Variants in PTPRD observed in about 807,000 individuals in gnomAD.
PTPRD encodes the protein protein tyrosine phosphatase receptor type D.
Under a neutral mutation model 214.5 loss-of-function variants are expected in PTPRD, and 34 were observed. That is an observed-to-expected ratio of 0.16 (90% confidence interval 0.12 to 0.21). PTPRD has a LOEUF of 0.21. Among genes scored for constraint, PTPRD ranks in the 10% least tolerant of loss-of-function variants. The pLI, the probability that PTPRD is intolerant of heterozygous loss-of-function variation, is 1.00. For synonymous variants in PTPRD, 1,128 were observed against 845.7 expected (o/e 1.33, Z -5.79); for missense variants, 2,545 against 2,398.7 (o/e 1.06, Z -1.27).
At chr9:9,218,286 G>A (rs1000899330) in intron 9 of PTPRD, among the ~76,000 whole-genome samples, 4 of 151,930 alleles carry the variant, frequency 2.6e-5, no homozygotes, top group South Asian at 2.1e-4. Flanking sequence ...TCATAGATCC[G>A]GATTAGATAG....
chr9:9,885,571 C>G (rs973756481), intron 5 of PTPRD, among the ~76,000 whole-genome samples: 1 of 151,906 alleles, frequency 6.6e-6, no homozygotes, highest in Non-Finnish European at 1.5e-5. Context: ...GGGGACTAGT[C>G]TGAATTGTCT....
chr9:9,021,024 A>G (rs923131131), intron 10 of PTPRD, among the ~76,000 whole-genome samples: 4 of 152,182 alleles, frequency 2.6e-5, no homozygotes, highest in Non-Finnish European at 5.9e-5. Flanking sequence ...CAAAAACATA[A>G]TATTTTAGCA....
intron 2 of PTPRD, among the ~76,000 whole-genome samples, chr9:10,443,461 T>G (rs1477056116): frequency 6.6e-6 from 1 of 151,582 alleles, no homozygotes; most frequent in African/African-American, 2.4e-5. Flanking sequence ...CCCTAAGAAA[T>G]TATCTCTTAT....
chr9:9,053,935 G>A (rs1174947436), intron 10 of PTPRD, among the ~76,000 whole-genome samples: 2 of 152,088 alleles, frequency 1.3e-5, no homozygotes, highest in Non-Finnish European at 2.9e-5. Context: ...AATATCTTTT[G>A]TTAATTTTCC....
At chr9:10,023,641 G>A (rs1381843624) in intron 4 of PTPRD, among the ~76,000 whole-genome samples, 1 of 147,994 alleles carries the variant, frequency 6.8e-6, no homozygotes, top group East Asian at 2.0e-4. Context: ...TTCTAATAAA[G>A]TGTGAGAGTT....
Position 9,024,348 on chromosome 9 carries a change from G to GTTTTTTTTTTTTTTTTTTTTTTTTTTTTT in PTPRD, c.-142-5614_-142-5613insAAAAAAAAAAAAAAAAAAAAAAAAAAAAA, listed in dbSNP as rs752607769. ...TATTGTCGATTCTTTGTTTTTTTTTGTTTGTTTTTTTTTTTTTCCTGTATA... is the reference window on the plus strand; with the variant it reads ...TATTGTCGATTCTTTGTTTTTTTTTGTTTTTTTTTTTTTTTTTTTTTTTTTTTTTTTTGTTTTTTTTTTTTTCCTGTATA... On this transcript the variant is annotated intron_variant, in intron 10 of 45. Transcript: ENST00000381196. Among the ~76,000 whole-genome samples, 3 of 64,182 alleles carry GTTTTTTTTTTTTTTTTTTTTTTTTTTTTT rather than the reference G, an allele frequency of 4.7e-5. 1 individual carries two copies. Among genetic ancestry groups the GTTTTTTTTTTTTTTTTTTTTTTTTTTTTT allele is most frequent in the African/African-American group, 1.2e-4 (3 of 24,574 alleles). The allele number at this position is 64,182 out of a possible 152,430, so 42.1% of individuals were successfully genotyped here.
chr9:10,216,911 T>C (rs998390155), intron 3 of PTPRD, among the ~76,000 whole-genome samples: 1 of 152,026 alleles, frequency 6.6e-6, no homozygotes, highest in African/African-American at 2.4e-5. Context: ...ATGTTCACTC[T>C]AGTGGTAGCT....
chr9:8,896,388 T>C (rs890780328), intron 11 of PTPRD, among the ~76,000 whole-genome samples: 2 of 152,174 alleles, frequency 1.3e-5, no homozygotes, highest in African/African-American at 4.8e-5. Context: ...GACTTGTGGT[T>C]TGTTCATTTG....
chr9:9,009,960 C>T (rs2099501455), intron 11 of PTPRD, among the ~76,000 whole-genome samples: 2 of 152,090 alleles, frequency 1.3e-5, no homozygotes, highest in Non-Finnish European at 2.9e-5. Flanking sequence ...TTGCTCCGTA[C>T]AGTTCTCTTA....
intron 10 of PTPRD, among the ~76,000 whole-genome samples, chr9:9,093,503 T>G (rs1477478502): frequency 6.6e-5 from 10 of 151,934 alleles, no homozygotes; most frequent in Admixed American, 6.6e-4. Context: ...TTATAACATA[T>G]TCAAGCAGAA....
intron 2 of PTPRD, among the ~76,000 whole-genome samples, chr9:10,382,003 A>C (rs1332513411): frequency 6.6e-6 from 1 of 151,972 alleles, no homozygotes; most frequent in Non-Finnish European, 1.5e-5. Context: ...CCCAGTTCAC[A>C]AGTAAGAAAA....
intron 2 of PTPRD, among the ~76,000 whole-genome samples, chr9:10,610,796 C>T (rs1591968903): frequency 1.3e-5 from 2 of 152,094 alleles, no homozygotes; most frequent in South Asian, 2.1e-4. Flanking sequence ...TTCTATTGTC[C>T]TGTCTCATTA....
intron 3 of PTPRD, among the ~76,000 whole-genome samples, chr9:10,110,869 T>A (rs1213522940): frequency 6.6e-6 from 1 of 152,236 alleles, no homozygotes; most frequent in Non-Finnish European, 1.5e-5. Context: ...TGCAGCCGAC[T>A]TTTAAACTAG....
chr9:8,538,626 T>C (rs540353118), intron 14 of PTPRD, among the ~76,000 whole-genome samples: 15 of 151,388 alleles, frequency 9.9e-5, no homozygotes, highest in South Asian at 2.1e-4. Context: ...TGTACACACA[T>C]ATATATATAC....
At chr9:10,600,048 A>G (rs1210747169) in intron 2 of PTPRD, among the ~76,000 whole-genome samples, 1 of 151,794 alleles carries the variant, frequency 6.6e-6, no homozygotes, top group Non-Finnish European at 1.5e-5. Flanking sequence ...AATATATTTA[A>G]AGGTCATTTA....
chr9:9,198,502 G>A lies in PTPRD; in HGVS notation c.-202-15139C>T, dbSNP rs181232681. Among the ~76,000 whole-genome samples, 344 of 152,092 alleles carry A rather than the reference G, an allele frequency of 2.3e-3. 1 individual carries two copies. Among genetic ancestry groups the A allele is most frequent in the African/African-American group, 7.9e-3 (329 of 41,502 alleles). ...CACATGCGATGTGGAAGCGTACCATGTATTTTACTGTTTCTCTGCTGCTCT... is the reference window on the plus strand; with the variant it reads ...CACATGCGATGTGGAAGCGTACCATATATTTTACTGTTTCTCTGCTGCTCT... On this transcript the variant is annotated intron_variant, in intron 9 of 45. Transcript: ENST00000381196.
chr9:9,960,233 A>G (rs1378784404), intron 4 of PTPRD, among the ~76,000 whole-genome samples: 1 of 151,914 alleles, frequency 6.6e-6, no homozygotes, highest in Non-Finnish European at 1.5e-5. Flanking sequence ...AAAAAAAAAA[A>G]AAAATAGTGT....
At chr9:9,818,400 T>A (rs949814441) in intron 5 of PTPRD, among the ~76,000 whole-genome samples, 1 of 152,056 alleles carries the variant, frequency 6.6e-6, no homozygotes, top group African/African-American at 2.4e-5. Flanking sequence ...GTGTGACAAG[T>A]AAGGGAATAC....
chr9:9,856,155 A>G (rs1437087672), intron 5 of PTPRD, among the ~76,000 whole-genome samples: 1 of 152,132 alleles, frequency 6.6e-6, no homozygotes, highest in African/African-American at 2.4e-5. Context: ...TATTCTCTGA[A>G]GTTGCACCGT....
Sources: gnomAD v4.1 joint callset for allele counts (sites outside exome capture counted in the v4.1 genomes callset) on GRCh38, gnomAD v4.1.1 for gene constraint, MANE v1.5 for transcripts, NCBI Gene and HGNC (gene_info 2026-07-23, HGNC 2026-07-21) for gene names.